The following ACHE variants were observed in gnomAD, a reference collection of about 807,000 sequenced individuals.
The protein encoded by ACHE is acetylcholinesterase (Yt blood group), also known as acetylcholinesterase.
In ACHE, 19 loss-of-function variants were observed where a neutral mutation model predicts 53.9. The ratio of observed to expected loss-of-function variants is 0.35; its 90% CI spans 0.25 to 0.52. The LOEUF is 0.52. ACHE is among the 20% of genes least tolerant of loss of function. The pLI, the probability that ACHE is intolerant of heterozygous loss-of-function variation, is 0.95. For synonymous variants in ACHE, 392 were observed against 378.1 expected (o/e 1.04, Z -0.43); for missense variants, 605 against 849.4 (o/e 0.71, Z 3.58).
At chr7:100,893,016 G>A in intron 2 of ACHE, 149 bp downstream of exon 2, 2 of 1,178,562 alleles carry the variant, frequency 1.7e-6, no homozygotes, top group African/African-American at 1.5e-5. Flanking sequence ...CTGCCCTGCT[G>A]ACCACCCTGG....
intron 4 of ACHE, chr7:100,890,763 T>C: frequency 3.7e-6 from 5 of 1,340,040 alleles, no homozygotes; most frequent in Admixed American, 3.6e-5. Context: ...CCATTTCCAT[T>C]CAAACAACAA....
intron 1 of ACHE, among the ~76,000 whole-genome samples, chr7:100,895,009 C>A (rs1199300645): frequency 6.6e-6 from 1 of 152,166 alleles, no homozygotes. Flanking sequence ...CCGCCCCGAG[C>A]CAGGAGCCGG....
At chr7:100,891,858 G>A (rs1790722242) in intron 3 of ACHE, among the ~76,000 whole-genome samples, 1 of 140,498 alleles carries the variant, frequency 7.1e-6, no homozygotes, top group Admixed American at 8.3e-5. Flanking sequence ...ATAGCTCACT[G>A]CAGCCTCAAC....
chr7:100,893,122 G>T, intron 2 of ACHE, 43 bp downstream of exon 2: 1 of 1,591,186 alleles, frequency 6.3e-7, no homozygotes, highest in East Asian at 2.3e-5. Flanking sequence ...GGGACCGTTG[G>T]GACCCAGAGG....
chr7:100,894,256 C>T lies in ACHE; in HGVS notation c.-20-4G>A. 1.4e-6 allele frequency: 2 copies of T among 1,417,974 alleles called. No homozygotes were observed. Among genetic ancestry groups the T allele is most frequent in the Admixed American group, 6.2e-5 (2 of 32,462 alleles). 87.8% of individuals were successfully genotyped at this position (1,417,974 alleles called of 1,614,324 possible). A position where few individuals can be genotyped will look rare whatever the true frequency, so the allele number is the denominator to read the frequency against. On this transcript the variant is annotated splice_polypyrimidine_tract_variant and splice_region_variant and intron_variant, in intron 1 of 4. Coordinates refer to ENST00000241069, the MANE Select transcript of ACHE (RefSeq NM_000665.5). ...ATGGCTGCAGGGCAGGCGGCGTCTG[C>T]TGGGAGAAAGAAAGGGAAAGGGTGA...
rs1355326545 is a variant in ACHE, at chr7:100,891,176, G to A, written c.1716C>T (p.Ser572=). The A allele has an allele frequency of 6.2e-6, 10 of 1,605,128 alleles. No individual in the cohort carries two copies. The highest frequency in any genetic ancestry group is 8.5e-6 in the Non-Finnish European group (10 of 1,176,680). Residue 572 remains serine, a synonymous_variant, in exon 4 of 5, where the codon AGC becomes AGT. Transcript: ENST00000241069. ...CCGCTGGCCCCTGCATACCGGTGGC[G>A]CTGAGCAATTTGGGGAGGAAGCGGT... ...FWNRFLPKLL[S]ATDTLDEAER...
rs985769509 is a variant in ACHE, at chr7:100,894,143, C to T, written c.90G>A (p.Gly30=). ...GCTCTGCATCCTCCCGGCCCTCAGCCCCCACTCCTCCACCCAGGAGCCAGA... is the reference window on the plus strand; with the variant it reads ...GCTCTGCATCCTCCCGGCCCTCAGCTCCCACTCCTCCACCCAGGAGCCAGA... ...LLLWLLGGGV[G]AEGREDAELL... The change falls in exon 2 of 5, where the codon GGG becomes GGA. Residue 30 remains glycine, a synonymous_variant. Coordinates refer to ENST00000241069, the MANE Select transcript of ACHE (RefSeq NM_000665.5). 6.7e-7 allele frequency: 1 copy of T among 1,487,954 alleles called. No individual in the cohort carries two copies. The allele number at this position is 1,487,954 out of a possible 1,614,324, so 92.2% of individuals were successfully genotyped here. A position where few individuals can be genotyped will look rare whatever the true frequency, so the allele number is the denominator to read the frequency against.
intron 1 of ACHE, 74 bp from the exon 2 acceptor site, chr7:100,894,326 G>A (rs944723972): frequency 1.8e-6 from 2 of 1,094,460 alleles, no homozygotes; most frequent in Non-Finnish European, 2.4e-6. Flanking sequence ...GGGCACTGTC[G>A]GCCCAAGGGT....
chr7:100,891,165 A>G lies in ACHE; in HGVS notation c.1723+4T>C. On this transcript the variant is annotated splice_donor_region_variant and intron_variant, in intron 4 of 4. Coordinates refer to ENST00000241069, the MANE Select transcript of ACHE (RefSeq NM_000665.5). ...CCAGCCGCTGCCCGCTGGCCCCTGC[A>G]TACCGGTGGCGCTGAGCAATTTGGG... is the stretch of plus-strand genomic sequence containing the variant. 6.2e-7 allele frequency: 1 copy of G among 1,600,732 alleles called. No homozygotes were observed. The highest frequency in any genetic ancestry group is 8.5e-7 in the Non-Finnish European group (1 of 1,174,590).
Position 100,894,154 on chromosome 7 carries a change from C to T in ACHE, c.79G>A (p.Gly27Arg). ...TCCCGGCCCTCAGCCCCCACTCCTC[C>T]ACCCAGGAGCCAGAGGAGGAGGAGA... ...LLLLLLWLLG[G>R]GVGAEGREDA... Residue 27 changes from glycine to arginine, a missense_variant, in exon 2 of 5, where the codon GGA becomes AGA. Physicochemically the swap from Gly to Arg is moderately radical, Grantham distance 125 (BLOSUM62 -2). Coordinates refer to ENST00000241069, the MANE Select transcript of ACHE (RefSeq NM_000665.5). The T allele has an allele frequency of 2.0e-6, 3 of 1,486,768 alleles. No homozygotes were observed. The highest frequency in any genetic ancestry group is 1.4e-5 in the South Asian group (1 of 73,440). 92.1% of individuals were successfully genotyped at this position (1,486,768 alleles called of 1,614,324 possible). A position where few individuals can be genotyped will look rare whatever the true frequency, so the allele number is the denominator to read the frequency against.
In ACHE at chr7:100,892,839, G is replaced by A; in HGVS notation, c.1069-21C>T. ...AGCACCTGGGGGTGAGGGAGAGGGGGGTGGGATGGAGCGACAGGCACAGAC... is the reference window on the plus strand; with the variant it reads ...AGCACCTGGGGGTGAGGGAGAGGGGAGTGGGATGGAGCGACAGGCACAGAC... On this transcript the variant is annotated intron_variant, in intron 2 of 4. Transcript: ENST00000241069. This position sits in a 1 kb window ranked among gnomAD's most constrained non-coding sequence, Gnocchi z 5.2. 1 of 1,551,506 alleles carries A rather than the reference G, an allele frequency of 6.4e-7. No individual in the cohort carries two copies. The highest frequency in any genetic ancestry group is 8.7e-7 in the Non-Finnish European group (1 of 1,151,496).
intron 1 of ACHE, 148 bp from the exon 2 acceptor site, chr7:100,894,400 GA>G (rs1790915127): frequency 4.6e-5 from 19 of 415,312 alleles, no homozygotes; most frequent in Non-Finnish European, 4.2e-6. Context: ...GGGAGGGAGG[GA>G]AGGAGACAGG....
upstream of ACHE, chr7:100,896,642 C>T (rs1392634425): frequency 7.0e-6 from 2 of 287,186 alleles, no homozygotes; most frequent in Admixed American, 4.6e-5. Context: ...GGAACCCCCG[C>T]GGGTGGGTCT....
At chr7:100,891,455 C>T (rs1224220363) in intron 3 of ACHE, 117 bp from the exon 4 acceptor site, 7 of 1,019,736 alleles carry the variant, frequency 6.9e-6, no homozygotes, top group Non-Finnish European at 8.0e-6. Flanking sequence ...CGTCCCCTCC[C>T]TCCCACCACT....
chr7:100,894,037 T>G lies in ACHE; in HGVS notation c.196A>C (p.Ile66Leu), dbSNP rs1485654037. 1 of 1,600,436 alleles carries G rather than the reference T, an allele frequency of 6.2e-7. No individual in the cohort carries two copies. Among genetic ancestry groups the G allele is most frequent in the Non-Finnish European group, 8.5e-7 (1 of 1,174,016 alleles). Reference protein sequence around the residue: ...PGGPVSAFLGIPFAEPPMGPR... With the variant: ...PGGPVSAFLGLPFAEPPMGPR... ...CCCATGGGTGGCTCCGCAAAGGGGA[T>G]GCCCAGGAAAGCAGAGACAGGGCCC... Residue 66 changes from isoleucine to leucine, a missense_variant, in exon 2 of 5, where the codon ATC becomes CTC. Physicochemically the swap from Ile to Leu is conservative, Grantham distance 5. Coordinates refer to ENST00000241069, the MANE Select transcript of ACHE (RefSeq NM_000665.5).
In ACHE at chr7:100,894,223, G is replaced by A; in HGVS notation, c.10C>T (p.Pro4Ser). 6.9e-7 allele frequency: 1 copy of A among 1,447,586 alleles called. No homozygotes were observed. The highest frequency in any genetic ancestry group is 9.0e-7 in the Non-Finnish European group (1 of 1,105,108). The allele number at this position is 1,447,586 out of a possible 1,614,324, so 89.7% of individuals were successfully genotyped here. ...GAAGGCGTGTGCAGCAGACACTGCG[G>A]GGGCCTCATGGCTGCAGGGCAGGCG... MRP[P>S]QCLLHTPSLA... The change falls in exon 2 of 5, where the codon CCG becomes TCG. Residue 4 changes from proline (P) to serine (S), a missense_variant. Pro to Ser is a moderately conservative substitution (Grantham distance 74). Coordinates refer to ENST00000241069, the MANE Select transcript of ACHE (RefSeq NM_000665.5).
chr7:100,895,823 G>C lies in ACHE; in HGVS notation c.-42C>G, dbSNP rs1032922957. On this transcript the variant is annotated 5_prime_UTR_variant, in exon 1 of 5. Coordinates refer to ENST00000241069, the MANE Select transcript of ACHE (RefSeq NM_000665.5). ...TCACCTGAGGCGGCCGAGCCGGGCC[G>C]GGCCGGGCCGCGCCGGGAGCTGGAG... 4.6e-5 allele frequency: 7 copies of C among 152,108 alleles called. No individual in the cohort carries two copies. Among genetic ancestry groups the C allele is most frequent in the Non-Finnish European group, 1.0e-4 (7 of 68,032 alleles). The allele number at this position is 152,108 out of a possible 1,614,324, so 9.4% of individuals were successfully genotyped here. A position where few individuals can be genotyped will look rare whatever the true frequency, so the allele number is the denominator to read the frequency against.
In ACHE at chr7:100,893,390, C is replaced by T; in HGVS notation, c.843G>A (p.Gln281=). The T allele has an allele frequency of 1.2e-6, 2 of 1,612,770 alleles. No individual in the cohort carries two copies. Among genetic ancestry groups the T allele is most frequent in the South Asian group, 2.2e-5 (2 of 91,054 alleles). ...GAGGACAGCCCACAAGGTGGGCCAG[C>T]TGCGTGGCCCTGCGACGGGCCTCTC... ...GMGEARRRAT[Q]LAHLVGCPPG... Residue 281 remains glutamine, a synonymous_variant, in exon 2 of 5, where the codon CAG becomes CAA. Transcript: ENST00000241069.
Position 100,893,187 on chromosome 7 carries a change from G to C in ACHE, c.1046C>G (p.Ala349Gly). 6.2e-7 allele frequency: 1 copy of C among 1,613,986 alleles called. No homozygotes were observed. The highest frequency in any genetic ancestry group is 8.5e-7 in the Non-Finnish European group (1 of 1,179,998). ...TACCTGCAGGCCGTGGAAGTCTCCC[G>C]CGTTGATGAGGGCCTCTGGGGTGTC... Reference protein sequence around the residue: ...LSDTPEALINAGDFHGLQVLV... With the variant: ...LSDTPEALINGGDFHGLQVLV... The change falls in exon 2 of 5, where the codon GCG (alanine) becomes GGG (glycine). Residue 349 changes from alanine (A) to glycine (G), a missense_variant. Coordinates refer to ENST00000241069, the MANE Select transcript of ACHE (RefSeq NM_000665.5).
Sources: allele counts gnomAD v4.1 joint callset (sites outside exome capture counted in the v4.1 genomes callset), GRCh38; gene constraint gnomAD v4.1.1; non-coding constraint Gnocchi (gnomAD v3.1); transcripts MANE v1.5; gene names NCBI Gene and HGNC (gene_info 2026-07-23, HGNC 2026-07-21).